CEP76: variants seen among roughly 807,000 people sequenced by gnomAD.
CEP76 encodes the protein centrosomal protein 76, also known as centrosomal protein of 76 kDa.
Under a neutral mutation model 83.3 loss-of-function variants are expected in CEP76, and 55 were observed. That is an observed-to-expected ratio of 0.66 (90% CI 0.53 to 0.83). CEP76 has a LOEUF of 0.83. Among genes scored for constraint, CEP76 ranks in the 40% least tolerant of loss-of-function variants. The pLI, the probability that CEP76 is intolerant of heterozygous loss-of-function variation, is 0.00. For missense variants in CEP76, 694 were observed against 799.5 expected (o/e 0.87, Z 1.59); for synonymous variants, 270 against 274.5 (o/e 0.98, Z 0.16).
At position 12,667,409 on chromosome 18, in the gene CEP76, A is replaced by T. The variant is rs1159885645; in HGVS notation, c.*1728-5240T>A. Among the ~76,000 whole-genome samples, 6 of 152,032 alleles carry T rather than the reference A, an allele frequency of 3.9e-5. No individual in the cohort carries two copies. The South Asian group carries it at 8.3e-4, about 21-fold the overall frequency. On this transcript the variant is annotated intron_variant and NMD_transcript_variant, in intron 12 of 12. Coordinates refer to the CEP76 transcript ENST00000590143. ...GTGTTCAAGGCTGCAGTGAGCTATG[A>T]TCACACCACTGCACTCTATCCCCAA...
In CEP76 at chr18:12,698,983, G is replaced by A; in HGVS notation, c.516C>T (p.Ser172=). 1.2e-6 allele frequency: 2 copies of A among 1,601,092 alleles called. No individual in the cohort carries two copies. The highest frequency in any genetic ancestry group is 2.2e-5 in the East Asian group (1 of 44,724). The part of the protein sequence containing the change: ...DGFLLEVHRE[S]LGDGTRMADS... ...CAATTTATTACTGTTTCTTACCCAAGCTTTCTCTGTGTACTTCAAGTAAAA... is the reference window on the plus strand; with the variant it reads ...CAATTTATTACTGTTTCTTACCCAAACTTTCTCTGTGTACTTCAAGTAAAA... Residue 172 remains serine (S), a synonymous_variant, in exon 4 of 12, where the codon AGC becomes AGT. Transcript: ENST00000262127.
chr18:12,663,237 A>G (rs926545057), intron 12 of CEP76, among the ~76,000 whole-genome samples: 3 of 152,202 alleles, frequency 2.0e-5, no homozygotes, highest in African/African-American at 7.2e-5. Context: ...GCAGTAGCTT[A>G]CTCCTTAATT....
intron 6 of CEP76, among the ~76,000 whole-genome samples, chr18:12,692,520 G>GC (rs2039805441): frequency 6.6e-6 from 1 of 151,428 alleles, no homozygotes; most frequent in Admixed American, 6.6e-5. Flanking sequence ...TGGAAGCTCA[G>GC]CCCCAATCTT....
rs137972754 is a variant in CEP76 at position 12,688,609 on chromosome 18, C to A, written c.934-2159G>T. ...CTAATATTATCTAAATATATCCCCA[C>A]AAGCTACTTAACTGTTTTGAAAAGT... On this transcript the variant is annotated intron_variant, in intron 7 of 11. Coordinates refer to ENST00000262127, the MANE Select transcript of CEP76 (RefSeq NM_024899.4). 2.8e-3 allele frequency among the ~76,000 whole-genome samples: 421 copies of A among 152,286 alleles called. 1 individual carries two copies. The highest frequency in any genetic ancestry group is 9.4e-3 in the African/African-American group (389 of 41,554).
In CEP76 at chr18:12,699,072, G is replaced by A. The variant is rs753187002; in HGVS notation, c.427C>T (p.Arg143Ter). 4.3e-6 allele frequency: 7 copies of A among 1,614,006 alleles called. No homozygotes were observed. The highest frequency in any genetic ancestry group is 2.7e-5 in the African/African-American group (2 of 75,024). Residue 143 changes from arginine to a stop codon, truncating the protein, a stop_gained, in exon 4 of 12, where the codon CGA (arginine) becomes TGA (stop). Coordinates refer to ENST00000262127, the MANE Select transcript of CEP76 (RefSeq NM_024899.4). LOFTEE classifies it high-confidence loss of function. Reference sequence around the variant, plus strand: ...GGTTTAGAACGAAAACGTTGGTTTCGATAATGTAAACATAAAGTAAACGTT... The same window carrying A: ...GGTTTAGAACGAAAACGTTGGTTTCAATAATGTAAACATAAAGTAAACGTT... Reference protein sequence around the residue: ...CSTFTLCLHYRNQRFRSKPVP... With the variant: ...CSTFTLCLHY
chr18:12,695,152 A>G (rs2039906410), intron 6 of CEP76, 102 bp downstream of exon 6: 5 of 486,964 alleles, frequency 1.0e-5, no homozygotes, highest in African/African-American at 6.0e-5. Flanking sequence ...AGAAAGTAAT[A>G]AATGGTAATT....
rs1488728838 is a variant in CEP76 at position 12,702,478 on chromosome 18, A to T, written c.63+8T>A. 6.2e-7 allele frequency: 1 copy of T among 1,600,624 alleles called. No homozygotes were observed. The highest frequency in any genetic ancestry group is 1.7e-5 in the Admixed American group (1 of 59,376). On this transcript the variant is annotated splice_region_variant and intron_variant, in intron 1 of 11. Coordinates refer to ENST00000262127, the MANE Select transcript of CEP76 (RefSeq NM_024899.4). Reference sequence around the variant, plus strand: ...CCGGCGGTCTCTCCCAGCACCCGCGACTCTCACCTTGCTCAGCTGCTGGTG... The same window carrying T: ...CCGGCGGTCTCTCCCAGCACCCGCGTCTCTCACCTTGCTCAGCTGCTGGTG...
rs749956570 is a variant in CEP76 at position 12,678,328 on chromosome 18, A to G, written c.1404T>C (p.Asn468=). ...CVFNHQMFLG[N]CQPSDAVETC... is the part of the protein sequence containing the mutation. ...TTTCTACTGCATCAGAGGGTTGACA[A>G]TTTCCCAGGAACATCTGATGGTTGA... The change falls in exon 10 of 12, where the codon AAT becomes AAC. Residue 468 remains asparagine, a synonymous_variant. Transcript: ENST00000262127. 14 of 1,614,032 alleles carry G rather than the reference A, an allele frequency of 8.7e-6. No individual in the cohort carries two copies. Among genetic ancestry groups the G allele is most frequent in the Middle Eastern group, 1.6e-4 (1 of 6,084 alleles).
In CEP76 at chr18:12,674,698, G is replaced by A; in HGVS notation, c.1679C>T (p.Ala560Val). 6.2e-7 allele frequency: 1 copy of A among 1,614,100 alleles called. No individual in the cohort carries two copies. ...ACGCTCAAATTCATAAGAAGCCAAA[G>A]CTGGTGATAAAAGGTAGGAGAGCTG... ...EDQLSYLLSPALASYEFERTT... is the reference protein window; with the variant it reads ...EDQLSYLLSPVLASYEFERTT... Residue 560 changes from alanine to valine, a missense_variant, in exon 11 of 12, where the codon GCT becomes GTT. Physicochemically the swap from Ala to Val is moderately conservative, Grantham distance 64 (BLOSUM62 0). Transcript: ENST00000262127.
intron 5 of CEP76, 94 bp downstream of exon 5, chr18:12,697,129 T>C: frequency 6.5e-6 from 6 of 925,016 alleles, no homozygotes; most frequent in Non-Finnish European, 8.0e-6. Context: ...CAGGTTTCCC[T>C]CTTGGATTAT....
downstream of CEP76, among the ~76,000 whole-genome samples, chr18:12,668,606 A>AAAAAAAAAAC (rs2038856857): frequency 1.9e-5 from 1 of 54,038 alleles, no homozygotes; most frequent in Non-Finnish European, 4.9e-5. Context: ...TCAAAAAAAA[A>AAAAAAAAAAC]AAAAAAAAAA....
In CEP76 at chr18:12,700,987, C is replaced by G; in HGVS notation, c.190G>C (p.Asp64His). Residue 64 changes from aspartate to histidine, a missense_variant, in exon 2 of 12, where the codon GAT becomes CAT. Physicochemically the swap from Asp to His is moderately conservative, Grantham distance 81. Transcript: ENST00000262127. ...ACAAAATTAAGTTCTTTCATCACAT[C>G]GTCAATGATTCCTCGACGTCTAAGG... ...KALRRRGIIDDVMKELNFVTD... is the reference protein window; with the variant it reads ...KALRRRGIIDHVMKELNFVTD... 6.2e-7 allele frequency: 1 copy of G among 1,612,678 alleles called. No individual in the cohort carries two copies.
chr18:12,676,034 T>C (rs922465235), intron 10 of CEP76, among the ~76,000 whole-genome samples: 1 of 152,134 alleles, frequency 6.6e-6, no homozygotes, highest in African/African-American at 2.4e-5. Flanking sequence ...AAAATAATAA[T>C]ATTACAAATA....
chr18:12,693,505 A>T (rs2145080944), intron 6 of CEP76, among the ~76,000 whole-genome samples: 1 of 152,326 alleles, frequency 6.6e-6, no homozygotes, highest in South Asian at 2.1e-4. Flanking sequence ...TCACATAAAT[A>T]TATGAATAAC....
At chr18:12,663,834 A>G (rs1051357808) in intron 12 of CEP76, among the ~76,000 whole-genome samples, 7 of 152,188 alleles carry the variant, frequency 4.6e-5, no homozygotes, top group Non-Finnish European at 1.0e-4. Flanking sequence ...CAGTGGTGCG[A>G]TCATAGCTCA....
chr18:12,702,655 G>C lies in CEP76; in HGVS notation c.-107C>G. On this transcript the variant is annotated 5_prime_UTR_variant, in exon 1 of 12. Transcript: ENST00000262127. ...AGGAGCGACTGGAGCACAAAGCGCC[G>C]CAGCCGTTCGCCTAGCGCAGCTCCC... is the stretch of plus-strand genomic sequence containing the variant. 2.3e-6 allele frequency: 3 copies of C among 1,288,570 alleles called. No individual in the cohort carries two copies. The highest frequency in any genetic ancestry group is 3.2e-6 in the Non-Finnish European group (3 of 950,606). 79.8% of individuals were successfully genotyped at this position (1,288,570 alleles called of 1,614,324 possible).
chr18:12,674,865 T>C lies in CEP76; in HGVS notation c.1624-112A>G, dbSNP rs1172582618. 4 of 566,048 alleles carry C rather than the reference T, an allele frequency of 7.1e-6. No homozygotes were observed. The East Asian group carries it at 9.1e-5, about 13-fold the overall frequency. The allele number at this position is 566,048 out of a possible 1,614,324, so 35.1% of individuals were successfully genotyped here. A position where few individuals can be genotyped will look rare whatever the true frequency, so the allele number is the denominator to read the frequency against. On this transcript the variant is annotated intron_variant, in intron 10 of 11. Transcript: ENST00000262127. ...ATACCAAGAAAAGATTTTTAAAAGC[T>C]ATCATAATATTTTAATAATAATAAT...
chr18:12,668,597 C>CAAAAAAAAAA (rs752216074), downstream of CEP76, among the ~76,000 whole-genome samples: 415 of 72,766 alleles, frequency 5.7e-3, 16 homozygotes, highest in Non-Finnish European at 7.5e-3. Flanking sequence ...GATTCCATCT[C>CAAAAAAAAAA]AAAAAAAAAA....
intron 7 of CEP76, among the ~76,000 whole-genome samples, chr18:12,689,014 T>C (rs9948844): frequency 0.3 from 45,860 of 151,976 alleles, 6,986 homozygotes; most frequent in Non-Finnish European, 0.32. Context: ...CTTGGGAGGC[T>C]GAGGCAGGAG....
Sources: gnomAD v4.1 joint callset for allele counts (sites outside exome capture counted in the v4.1 genomes callset) on GRCh38, gnomAD v4.1.1 for gene constraint, MANE v1.5 for transcripts, NCBI Gene and HGNC (gene_info 2026-07-23, HGNC 2026-07-21) for gene names.